The following TSPAN18 variants were observed in gnomAD, a reference collection of about 807,000 sequenced individuals.
The protein encoded by TSPAN18 is tetraspanin-18.
Under a neutral mutation model 27.3 loss-of-function variants are expected in TSPAN18, and 14 were observed. The observed-to-expected ratio is 0.51, with a 90% confidence interval of 0.34 to 0.80. TSPAN18 has a LOEUF of 0.80. Ranked by LOEUF, TSPAN18 falls within the 30% of genes least tolerant of loss-of-function variation. The pLI, the probability that TSPAN18 is intolerant of heterozygous loss-of-function variation, is 0.01. For synonymous variants in TSPAN18, 143 were observed against 136.5 expected (o/e 1.05, Z -0.33); for missense variants, 268 against 323.9 (o/e 0.83, Z 1.32).
At chr11:44,770,823 T>C (rs1186004695) in intron 2 of TSPAN18, among the ~76,000 whole-genome samples, 1 of 152,030 alleles carries the variant, frequency 6.6e-6, no homozygotes. Flanking sequence ...GCAAAGTTGA[T>C]AGGACTCGCT....
intron 3 of TSPAN18, among the ~76,000 whole-genome samples, chr11:44,873,866 C>A (rs1420108378): frequency 1.3e-5 from 2 of 152,192 alleles, no homozygotes; most frequent in Non-Finnish European, 2.9e-5. Context: ...AGCTGGCATT[C>A]CTGGACCTAC....
chr11:44,832,632 G>A (rs758947336), intron 2 of TSPAN18, among the ~76,000 whole-genome samples: 3 of 152,172 alleles, frequency 2.0e-5, no homozygotes, highest in Non-Finnish European at 2.9e-5. Flanking sequence ...ATTTCTCTGC[G>A]GCACCCTCAT....
At chr11:44,914,698 G>A (rs1043776429) in intron 5 of TSPAN18, among the ~76,000 whole-genome samples, 5 of 152,198 alleles carry the variant, frequency 3.3e-5, no homozygotes, top group Non-Finnish European at 5.9e-5. Flanking sequence ...CTTGGGCCGA[G>A]TACTGTTCCT....
intron 2 of TSPAN18, among the ~76,000 whole-genome samples, chr11:44,833,570 C>T (rs539580571): frequency 8.0e-4 from 122 of 152,126 alleles, no homozygotes; most frequent in South Asian, 4.0e-3. Flanking sequence ...CTTCTGTGCT[C>T]GAAAAGGCTT....
Position 44,804,621 on chromosome 11 carries a change from T to C in TSPAN18, c.-153+40109T>C, listed in dbSNP as rs114979187. ...AGCTCCGTAACTAACATTTGGGGAC[T>C]GGCGAGCAGCGATGAGGGATTCTTG... On this transcript the variant is annotated intron_variant, in intron 2 of 9. Transcript: ENST00000520358. Among the ~76,000 whole-genome samples the C allele has an allele frequency of 7.6e-3, 1,156 of 152,302 alleles. 12 individuals carry two copies. The highest frequency in any genetic ancestry group is 0.026 in the African/African-American group (1,088 of 41,572).
intron 2 of TSPAN18, among the ~76,000 whole-genome samples, chr11:44,821,038 A>G (rs12280390): frequency 0.064 from 9,758 of 152,230 alleles, 442 homozygotes; most frequent in African/African-American, 0.13. Context: ...CTCCAGAGCA[A>G]TACATATGGA....
intron 2 of TSPAN18, among the ~76,000 whole-genome samples, chr11:44,786,124 G>A (rs1315185791): frequency 2.0e-5 from 3 of 152,256 alleles, no homozygotes; most frequent in East Asian, 1.9e-4. Flanking sequence ...ACAGGGCCCC[G>A]TGGTGTTTGG....
chr11:44,809,990 A>T (rs562216890), intron 2 of TSPAN18, among the ~76,000 whole-genome samples: 1 of 152,210 alleles, frequency 6.6e-6, no homozygotes, highest in Non-Finnish European at 1.5e-5. Flanking sequence ...ACCATAGGTC[A>T]TAGGGTTAGG....
At chr11:44,893,856 C>G (rs1858940428) in intron 3 of TSPAN18, among the ~76,000 whole-genome samples, 1 of 152,206 alleles carries the variant, frequency 6.6e-6, no homozygotes, top group South Asian at 2.1e-4. Context: ...CCCCACATGG[C>G]CTCCCTGATT....
chr11:44,836,334 G>A lies in TSPAN18; in HGVS notation c.-152-23994G>A, dbSNP rs571129751. ...AGATTAAACCAGCCACAAAATTCTC[G>A]TAAGCCAAAGCCTAATCCAGAGAAA... On this transcript the variant is annotated intron_variant, in intron 2 of 9. Transcript: ENST00000520358. 9.9e-4 allele frequency among the ~76,000 whole-genome samples: 151 copies of A among 152,302 alleles called. 1 individual carries two copies. The highest frequency in any genetic ancestry group is 1.7e-3 in the Non-Finnish European group (115 of 68,028).
chr11:44,854,944 A>G (rs185514913), intron 2 of TSPAN18, among the ~76,000 whole-genome samples: 12 of 152,352 alleles, frequency 7.9e-5, no homozygotes, highest in Admixed American at 3.3e-4. Context: ...GTGAGTAAAC[A>G]ATTGGAAATA....
chr11:44,851,086 T>C (rs1450471538), intron 2 of TSPAN18, among the ~76,000 whole-genome samples: 1 of 152,184 alleles, frequency 6.6e-6, no homozygotes. Context: ...CTGTTGACCT[T>C]TCTGCTTTAA....
chr11:44,901,664 G>C (rs1303816697), intron 3 of TSPAN18, among the ~76,000 whole-genome samples: 1 of 152,254 alleles, frequency 6.6e-6, no homozygotes, highest in African/African-American at 2.4e-5. Flanking sequence ...ACACAACAGT[G>C]ACTTACAGAG....
intron 2 of TSPAN18, among the ~76,000 whole-genome samples, chr11:44,859,176 C>T (rs540848965): frequency 1.4e-4 from 22 of 152,132 alleles, no homozygotes; most frequent in Admixed American, 7.2e-4. Context: ...GTCTCTGAGA[C>T]GCAGAGAAGG....
intron 1 of TSPAN18, among the ~76,000 whole-genome samples, chr11:44,739,130 C>T (rs150437286): frequency 6.6e-6 from 1 of 152,260 alleles, no homozygotes; most frequent in African/African-American, 2.4e-5. Context: ...TTGAATCCCT[C>T]GTTTGGTGGC....
chr11:44,912,342 T>TCA (rs1859751540), intron 5 of TSPAN18, among the ~76,000 whole-genome samples: 1 of 151,900 alleles, frequency 6.6e-6, no homozygotes, highest in Admixed American at 6.6e-5. Flanking sequence ...TGATCTCTGT[T>TCA]TTTATTCCTA....
intron 1 of TSPAN18, among the ~76,000 whole-genome samples, chr11:44,748,200 G>C (rs1028129108): frequency 1.3e-5 from 2 of 152,216 alleles, no homozygotes; most frequent in Non-Finnish European, 2.9e-5. Context: ...TTGAGGCCAG[G>C]AGTTCGAAGC....
chr11:44,840,711 C>T (rs1400695345), intron 2 of TSPAN18, among the ~76,000 whole-genome samples: 1 of 152,198 alleles, frequency 6.6e-6, no homozygotes, highest in African/African-American at 2.4e-5. Flanking sequence ...CCTGCTTGAT[C>T]ATGACACAGC....
chr11:44,877,919 C>T (rs1432642623), intron 3 of TSPAN18, among the ~76,000 whole-genome samples: 5 of 152,014 alleles, frequency 3.3e-5, no homozygotes, highest in African/African-American at 9.7e-5. Context: ...TGGCCTAATA[C>T]CCTGTACTGT....
Sources: gnomAD v4.1 joint callset for allele counts (sites outside exome capture counted in the v4.1 genomes callset) on GRCh38, gnomAD v4.1.1 for gene constraint, MANE v1.5 for transcripts, NCBI Gene and HGNC (gene_info 2026-07-23, HGNC 2026-07-21) for gene names.